NOS1: variants seen among roughly 807,000 people sequenced by gnomAD.
The protein encoded by NOS1 is nitric oxide synthase 1, also known as NOS type I.
A neutral mutation model predicts 164.5 loss-of-function variants in NOS1; 51 were observed. The ratio of observed to expected loss-of-function variants is 0.31; its 90% CI spans 0.25 to 0.39. The LOEUF is 0.39. Ranked by LOEUF, NOS1 falls within the 10% of genes least tolerant of loss-of-function variation. The pLI, the probability that NOS1 is intolerant of heterozygous loss-of-function variation, is 1.00. For synonymous variants in NOS1, 719 were observed against 745.8 expected, an observed-to-expected ratio of 0.96 and a Z score of 0.59; for missense variants, 1,362 against 1,885.6, an observed-to-expected ratio of 0.72 and a Z score of 5.14.
In NOS1 at chr12:117,234,767, A is replaced by C. The variant is rs1269216745; in HGVS notation, c.3042-9T>G. Reference sequence around the variant, plus strand: ...CGAAGATAGTTGACCGACTGCAGGAAATTGCAGAGGAATCATAGGACAAGG... The same window carrying C: ...CGAAGATAGTTGACCGACTGCAGGACATTGCAGAGGAATCATAGGACAAGG... On this transcript the variant is annotated splice_polypyrimidine_tract_variant and intron_variant, in intron 20 of 28. Coordinates refer to ENST00000317775, the MANE Select transcript of NOS1 (RefSeq NM_000620.5). This position sits in a 1 kb window ranked among gnomAD's most constrained non-coding sequence, Gnocchi z 4.3. 6.2e-7 allele frequency: 1 copy of C among 1,603,978 alleles called. No homozygotes were observed. The highest frequency in any genetic ancestry group is 8.5e-7 in the Non-Finnish European group (1 of 1,172,472).
At chr12:117,322,673 GCTTCCTTT>G (rs1197765676) in intron 2 of NOS1, among the ~76,000 whole-genome samples, 4 of 77,280 alleles carry the variant, frequency 5.2e-5, no homozygotes, top group African/African-American at 2.0e-4. Flanking sequence ...TTCCGTCCCT[GCTTCCTTT>G]CTTCCTTCCT....
chr12:117,283,846 A>G (rs1873884358), intron 7 of NOS1, among the ~76,000 whole-genome samples: 1 of 112,064 alleles, frequency 8.9e-6, no homozygotes, highest in Admixed American at 1.3e-4. Context: ...ACAGAGCAAG[A>G]CTCTGTCTCA....
At chr12:117,351,865 C>A (rs1379943519) in intron 1 of NOS1, among the ~76,000 whole-genome samples, 1 of 152,214 alleles carries the variant, frequency 6.6e-6, no homozygotes. Context: ...GCCTCTTCTC[C>A]ATCATCCAGA....
At chr12:117,262,222 C>T (rs555507570) in intron 13 of NOS1, among the ~76,000 whole-genome samples, 57 of 152,272 alleles carry the variant, frequency 3.7e-4, no homozygotes, top group South Asian at 1.5e-3. Flanking sequence ...CCCATTGTTA[C>T]TACCCAAAAC....
Position 117,265,517 on chromosome 12 carries a change from G to T in NOS1, c.1942-7C>A. ...CAATGGTCACTTTGTCACTCTGTGG[G>T]AGGAGAGGGGACAGGGGTCAGGAGG... On this transcript the variant is annotated splice_region_variant and splice_polypyrimidine_tract_variant and intron_variant, in intron 11 of 28. Transcript: ENST00000317775. The T allele has an allele frequency of 6.6e-7, 1 of 1,512,810 alleles. No individual in the cohort carries two copies. The highest frequency in any genetic ancestry group is 8.9e-7 in the Non-Finnish European group (1 of 1,122,818). The allele number at this position is 1,512,810 out of a possible 1,614,324, so 93.7% of individuals were successfully genotyped here. A position where few individuals can be genotyped will look rare whatever the true frequency, so the allele number is the denominator to read the frequency against.
At position 117,250,652 on chromosome 12, in the gene NOS1, T is replaced by C. The variant is rs572990221; in HGVS notation, c.2648+2986A>G. Reference sequence around the variant, plus strand: ...CCTGCCATTTACTCTTAACCAATGATCTTCCTGGATCTAAAAACATTACCC... The same window carrying C: ...CCTGCCATTTACTCTTAACCAATGACCTTCCTGGATCTAAAAACATTACCC... On this transcript the variant is annotated intron_variant, in intron 17 of 28. Coordinates refer to ENST00000317775, the MANE Select transcript of NOS1 (RefSeq NM_000620.5). 2.6e-5 allele frequency among the ~76,000 whole-genome samples: 4 copies of C among 152,234 alleles called. No homozygotes were observed. The South Asian group carries it at 8.3e-4, about 32-fold the overall frequency.
chr12:117,259,873 A>C (rs780025254), intron 14 of NOS1, among the ~76,000 whole-genome samples: 3 of 152,148 alleles, frequency 2.0e-5, no homozygotes, highest in Non-Finnish European at 4.4e-5. Context: ...TAATCCCAGC[A>C]CTTTGGGAGG....
intron 26 of NOS1, among the ~76,000 whole-genome samples, chr12:117,222,317 G>A (rs1445433018): frequency 1.3e-5 from 2 of 152,060 alleles, no homozygotes; most frequent in African/African-American, 4.8e-5. Flanking sequence ...GGGCAGTGGC[G>A]CGATCTCAGC....
At chr12:117,297,932 T>C (rs1227485343) in intron 3 of NOS1, among the ~76,000 whole-genome samples, 1 of 151,952 alleles carries the variant, frequency 6.6e-6, no homozygotes, top group African/African-American at 2.4e-5. Flanking sequence ...ACATACAACA[T>C]CTTAGGAGCT....
At chr12:117,312,155 A>G (rs1002183838) in intron 2 of NOS1, among the ~76,000 whole-genome samples, 1 of 152,206 alleles carries the variant, frequency 6.6e-6, no homozygotes, top group Admixed American at 6.5e-5. Context: ...CAAAAATAAT[A>G]ATACTATTAA....
At position 117,214,581 on chromosome 12, in the gene NOS1, C is replaced by T; in HGVS notation, c.*728G>A. The T allele has an allele frequency of 8.1e-6, 8 of 985,448 alleles. No individual in the cohort carries two copies. The highest frequency in any genetic ancestry group is 9.6e-6 in the Non-Finnish European group (8 of 829,972). The allele number at this position is 985,448 out of a possible 1,614,324, so 61.0% of individuals were successfully genotyped here. ...AATGCAGCAAATTCTGGGAATGCCT[C>T]TTTCATTGGGAGACAGCCCCTTTAA... On this transcript the variant is annotated 3_prime_UTR_variant, in exon 29 of 29. Coordinates refer to ENST00000317775, the MANE Select transcript of NOS1 (RefSeq NM_000620.5).
chr12:117,331,055 C>T lies in NOS1; in HGVS notation c.15G>A (p.Met5Ile), dbSNP rs370088613. MEDH[M>I]FGVQQIQPNV... ...TGGGCTGGATTTGCTGAACACCGAACATGTGATCCTCCATGGTAACTAGCT... is the reference window on the plus strand; with the variant it reads ...TGGGCTGGATTTGCTGAACACCGAATATGTGATCCTCCATGGTAACTAGCT... Residue 5 changes from methionine (M) to isoleucine (I), a missense_variant, in exon 2 of 29, where the codon ATG becomes ATA. Met to Ile is a conservative substitution (Grantham distance 10, BLOSUM62 1). This residue lies in a region of NOS1 where 362 missense variants were observed against 402.0 expected (regional missense o/e 0.90). Coordinates refer to ENST00000317775, the MANE Select transcript of NOS1 (RefSeq NM_000620.5). 5.0e-5 allele frequency: 80 copies of T among 1,611,278 alleles called. No individual in the cohort carries two copies. Among genetic ancestry groups the T allele is most frequent in the Non-Finnish European group, 6.5e-5 (77 of 1,178,128 alleles).
chr12:117,243,277 G>A lies in NOS1; in HGVS notation c.2962+20C>T. ...CCCCCATTGTCACGAATACCTCCCTGGAAGGGTGGTGGGAGGTACCTTGTG... is the reference window on the plus strand; with the variant it reads ...CCCCCATTGTCACGAATACCTCCCTAGAAGGGTGGTGGGAGGTACCTTGTG... On this transcript the variant is annotated intron_variant, in intron 19 of 28. Coordinates refer to ENST00000317775, the MANE Select transcript of NOS1 (RefSeq NM_000620.5). This position sits in a 1 kb window ranked among gnomAD's most constrained non-coding sequence, Gnocchi z 4.3. 1.2e-6 allele frequency: 2 copies of A among 1,613,334 alleles called. No individual in the cohort carries two copies. The highest frequency in any genetic ancestry group is 1.7e-6 in the Non-Finnish European group (2 of 1,179,644).
intron 10 of NOS1, among the ~76,000 whole-genome samples, chr12:117,268,430 C>T (rs1263627725): frequency 6.6e-6 from 1 of 151,770 alleles, no homozygotes; most frequent in African/African-American, 2.4e-5. Context: ...CGGGGTTTCA[C>T]CATGTTGGCC....
intron 4 of NOS1, 62 bp downstream of exon 4, chr12:117,290,236 C>T: frequency 6.3e-7 from 1 of 1,593,796 alleles, no homozygotes; most frequent in Non-Finnish European, 8.6e-7. Context: ...ACTTATCCGA[C>T]TCCAAATGTG....
intron 3 of NOS1, among the ~76,000 whole-genome samples, chr12:117,300,743 C>T (rs1873763623): frequency 6.6e-6 from 1 of 152,138 alleles, no homozygotes; most frequent in Non-Finnish European, 1.5e-5. Flanking sequence ...GATACCTGAC[C>T]TAATTGAAGT....
intron 3 of NOS1, among the ~76,000 whole-genome samples, chr12:117,294,099 G>A (rs893239955): frequency 6.6e-6 from 1 of 152,154 alleles, no homozygotes; most frequent in Non-Finnish European, 1.5e-5. Context: ...TTGCCCACAG[G>A]AAGGCACCCC....
At chr12:117,361,166 G>A (rs1163272508) in intron 1 of NOS1, among the ~76,000 whole-genome samples, 1 of 151,950 alleles carries the variant, frequency 6.6e-6, no homozygotes, top group Non-Finnish European at 1.5e-5. Flanking sequence ...GCCTCTTCGC[G>A]CTGCGCACCC....
intron 2 of NOS1, among the ~76,000 whole-genome samples, chr12:117,315,515 G>T (rs938450683): frequency 2.0e-5 from 3 of 152,150 alleles, no homozygotes; most frequent in African/African-American, 4.8e-5. Context: ...GAACTATTTT[G>T]CTTCCCTTCA....
Sources: gnomAD v4.1 joint callset for allele counts (sites outside exome capture counted in the v4.1 genomes callset) on GRCh38, gnomAD v4.1.1 for gene constraint, gnomAD v4.1.1 regional missense constraint, Gnocchi (gnomAD v3.1) non-coding constraint, MANE v1.5 for transcripts, NCBI Gene and HGNC (gene_info 2026-07-23, HGNC 2026-07-21) for gene names.